PCDHGA11: variants seen among roughly 807,000 people sequenced by gnomAD.
PCDHGA11 encodes the protein protocadherin gamma subfamily A, 11.
Under a neutral mutation model 60.4 loss-of-function variants are expected in PCDHGA11, and 39 were observed. That is an observed-to-expected ratio of 0.65 (90% confidence interval 0.50 to 0.84). The LOEUF is 0.84. Ranked by LOEUF, PCDHGA11 falls within the 40% of genes least tolerant of loss-of-function variation. The pLI, the probability that PCDHGA11 is intolerant of heterozygous loss-of-function variation, is 0.00. For synonymous variants in PCDHGA11, 533 were observed against 510.3 expected (o/e 1.04, Z -0.60); for missense variants, 1,165 against 1,197.7 (o/e 0.97, Z 0.40).
rs2099627530 is a variant in PCDHGA11, at chr5:141,486,292, T to C, written c.2434-8515T>C. On this transcript the variant is annotated intron_variant, in intron 1 of 3. Transcript: ENST00000398587. This position sits in a 1 kb window ranked among gnomAD's most constrained non-coding sequence, Gnocchi z 5.0. ...CTGGCACTGTGGTGGCACTTATCAGTGTGCAGGATCCAGACTCAGGGTCAA... is the reference window on the plus strand; with the variant it reads ...CTGGCACTGTGGTGGCACTTATCAGCGTGCAGGATCCAGACTCAGGGTCAA... 5 of 1,613,970 alleles carry C rather than the reference T, an allele frequency of 3.1e-6. No individual in the cohort carries two copies. The highest frequency in any genetic ancestry group is 4.2e-6 in the Non-Finnish European group (5 of 1,179,982).
At position 141,432,394 on chromosome 5, in the gene PCDHGA11, C is replaced by G; in HGVS notation, c.2433+8734C>G. 1 of 1,614,260 alleles carries G rather than the reference C, an allele frequency of 6.2e-7. No individual in the cohort carries two copies. The highest frequency in any genetic ancestry group is 8.5e-7 in the Non-Finnish European group (1 of 1,180,050). On this transcript the variant is annotated intron_variant, in intron 1 of 3. Transcript: ENST00000398587. This position sits in a 1 kb window ranked among gnomAD's most constrained non-coding sequence, Gnocchi z 6.0. The stretch of plus-strand genomic sequence containing the variant: ...ACGGGCACCCGCCCCTCAGCAGCAA[C>G]GTGTCGTTGAGCCTGTTCGTGCTGG...
chr5:141,426,797 C>A (rs1487716495), intron 1 of PCDHGA11: 1 of 456,706 alleles, frequency 2.2e-6, no homozygotes, highest in Non-Finnish European at 4.4e-6. Context: ...GTTACCAGCT[C>A]AGTTCTAATG....
Position 141,491,756 on chromosome 5 carries a change from C to T in PCDHGA11, c.2434-3051C>T. The T allele has an allele frequency of 1.3e-6, 2 of 1,581,720 alleles. No individual in the cohort carries two copies. Among genetic ancestry groups the T allele is most frequent in the Non-Finnish European group, 8.6e-7 (1 of 1,165,100 alleles). ...CCTGGGGGCGGCACTGGAGAAGCCG[C>T]CCGTCCTCATAAGGGATTGAACTTG... On this transcript the variant is annotated intron_variant, in intron 1 of 3. Coordinates refer to ENST00000398587, the MANE Select transcript of PCDHGA11 (RefSeq NM_018914.3). This position sits in a 1 kb window ranked among gnomAD's most constrained non-coding sequence, Gnocchi z 6.9.
chr5:141,465,688 G>C (rs1386213425), intron 1 of PCDHGA11, among the ~76,000 whole-genome samples: 1 of 152,086 alleles, frequency 6.6e-6, no homozygotes, highest in African/African-American at 2.4e-5. Context: ...TGACCAGTCT[G>C]CTTTTGCATT....
intron 1 of PCDHGA11, among the ~76,000 whole-genome samples, chr5:141,472,718 G>A (rs980710833): frequency 1.3e-5 from 2 of 152,002 alleles, no homozygotes; most frequent in Non-Finnish European, 2.9e-5. Context: ...AGGCGCTGTG[G>A]CTCACACCTG....
At chr5:141,455,920 C>A (rs941360102) in intron 1 of PCDHGA11, among the ~76,000 whole-genome samples, 1 of 147,944 alleles carries the variant, frequency 6.8e-6, no homozygotes, top group Non-Finnish European at 1.5e-5. Flanking sequence ...TATTTTGAGA[C>A]GGAGTCTCGC....
chr5:141,487,798 G>A lies in PCDHGA11; in HGVS notation c.2434-7009G>A, dbSNP rs1197016007. 6.7e-7 allele frequency: 1 copy of A among 1,498,792 alleles called. No homozygotes were observed. Among genetic ancestry groups the A allele is most frequent in the South Asian group, 1.3e-5 (1 of 78,368 alleles). 92.8% of individuals were successfully genotyped at this position (1,498,792 alleles called of 1,614,324 possible). On this transcript the variant is annotated intron_variant, in intron 1 of 3. Coordinates refer to ENST00000398587, the MANE Select transcript of PCDHGA11 (RefSeq NM_018914.3). The surrounding 1 kb of genome is among the most constrained non-coding windows in gnomAD (Gnocchi z 5.0). ...ACTGTTTCGTGAATTAACCAGAGTT[G>A]TCACAGTTTAGCATTGGGGGCGGGT...
chr5:141,474,900 T>C (rs577411783), intron 1 of PCDHGA11, among the ~76,000 whole-genome samples: 2 of 152,368 alleles, frequency 1.3e-5, no homozygotes, highest in South Asian at 2.1e-4. Flanking sequence ...TCATTTCTTG[T>C]TCAAGGATAT....
At chr5:141,453,495 C>T (rs1490576605) in intron 1 of PCDHGA11, among the ~76,000 whole-genome samples, 1 of 151,968 alleles carries the variant, frequency 6.6e-6, no homozygotes, top group Admixed American at 6.6e-5. Flanking sequence ...AAAAGGTGTA[C>T]TCAGAAAATT....
intron 1 of PCDHGA11, among the ~76,000 whole-genome samples, chr5:141,462,763 G>A (rs935087747): frequency 2.6e-5 from 4 of 152,036 alleles, no homozygotes; most frequent in Non-Finnish European, 4.4e-5. Context: ...TTTTCTTCCT[G>A]GCTTGGGGTC....
rs760509503 is a variant in PCDHGA11 at position 141,432,756 on chromosome 5, A to T, written c.2433+9096A>T. The T allele has an allele frequency of 5.6e-6, 9 of 1,613,958 alleles. No homozygotes were observed. Among genetic ancestry groups the T allele is most frequent in the Non-Finnish European group, 7.6e-6 (9 of 1,179,994 alleles). On this transcript the variant is annotated intron_variant, in intron 1 of 3. Transcript: ENST00000398587. This position sits in a 1 kb window ranked among gnomAD's most constrained non-coding sequence, Gnocchi z 6.0. ...GTCACGCTCACCGTGGCCGTGGCCG[A>T]CAGCATCCCCCAAGTCCTGGCGGAC...
Position 141,491,273 on chromosome 5 carries a change from G to A in PCDHGA11, c.2434-3534G>A. ...GACCCTGAGGAAATGCCCAAATCCA[G>A]TGACTTCCTCATACACCCTCCTGAG... On this transcript the variant is annotated intron_variant, in intron 1 of 3. Coordinates refer to ENST00000398587, the MANE Select transcript of PCDHGA11 (RefSeq NM_018914.3). This position sits in a 1 kb window ranked among gnomAD's most constrained non-coding sequence, Gnocchi z 6.9. The A allele has an allele frequency of 6.2e-7, 1 of 1,614,182 alleles. No individual in the cohort carries two copies. Among genetic ancestry groups the A allele is most frequent in the South Asian group, 1.1e-5 (1 of 91,082 alleles).
intron 1 of PCDHGA11, among the ~76,000 whole-genome samples, chr5:141,482,875 C>T (rs2099573976): frequency 6.6e-6 from 1 of 151,958 alleles, no homozygotes; most frequent in African/African-American, 2.4e-5. Context: ...AGTTTGAAAC[C>T]AGCCTGGCCA....
intron 1 of PCDHGA11, among the ~76,000 whole-genome samples, chr5:141,456,944 C>G (rs1172050038): frequency 6.6e-6 from 1 of 152,138 alleles, no homozygotes; most frequent in Non-Finnish European, 1.5e-5. Context: ...GCCTGGGCAA[C>G]AGAGCAAAAC....
At position 141,421,784 on chromosome 5, in the gene PCDHGA11, G is replaced by C; in HGVS notation, c.557G>C (p.Arg186Thr). 1 of 1,613,874 alleles carries C rather than the reference G, an allele frequency of 6.2e-7. No homozygotes were observed. The highest frequency in any genetic ancestry group is 8.5e-7 in the Non-Finnish European group (1 of 1,179,870). ...NNYFSLQLRG[R>T]TDGAKNPELV... is the part of the protein sequence containing the mutation. ...TACTTTTCCTTGCAACTGCGGGGCAGAACGGATGGGGCCAAGAATCCAGAG... is the reference window on the plus strand; with the variant it reads ...TACTTTTCCTTGCAACTGCGGGGCACAACGGATGGGGCCAAGAATCCAGAG... The change falls in exon 1 of 4, where the codon AGA (arginine) becomes ACA (threonine). Residue 186 changes from arginine (R) to threonine (T), a missense_variant. Transcript: ENST00000398587.
Position 141,431,991 on chromosome 5 carries a change from A to G in PCDHGA11, c.2433+8331A>G. 1.2e-6 allele frequency: 2 copies of G among 1,614,218 alleles called. No individual in the cohort carries two copies. The highest frequency in any genetic ancestry group is 1.7e-6 in the Non-Finnish European group (2 of 1,180,042). On this transcript the variant is annotated intron_variant, in intron 1 of 3. Transcript: ENST00000398587. The surrounding 1 kb of genome is among the most constrained non-coding windows in gnomAD (Gnocchi z 4.8). The stretch of plus-strand genomic sequence containing the variant: ...AGTTTAGTCACAGACATAGTCTTGG[A>G]TAGGGAACAGGTTCCTAGCTACAAC...
rs141873183 is a variant in PCDHGA11 at position 141,511,011 on chromosome 5, C to T, written c.2646C>T (p.Tyr882=). The T allele has an allele frequency of 1.5e-5, 24 of 1,614,082 alleles. No individual in the cohort carries two copies. Among genetic ancestry groups the T allele is most frequent in the Middle Eastern group, 1.6e-4 (1 of 6,084 alleles). Residue 882 remains tyrosine (Y), a synonymous_variant, in exon 4 of 4, where the codon TAC becomes TAT. Transcript: ENST00000398587. ...GAGTMGLSAR[Y]GPQFTLQHVP... The stretch of plus-strand genomic sequence containing the variant: ...GCACCATGGGATTGAGCGCCCGCTA[C>T]GGACCCCAGTTCACCCTGCAGCACG...
chr5:141,496,338 G>A (rs1011495959), intron 2 of PCDHGA11, among the ~76,000 whole-genome samples: 5 of 152,230 alleles, frequency 3.3e-5, no homozygotes, highest in African/African-American at 9.6e-5. Flanking sequence ...TCAGGAGCCT[G>A]GAGGAGTCTC....
chr5:141,503,046 G>T (rs1187153008), intron 2 of PCDHGA11, among the ~76,000 whole-genome samples: 1 of 151,658 alleles, frequency 6.6e-6, no homozygotes, highest in Non-Finnish European at 1.5e-5. Flanking sequence ...GTTGAGACAG[G>T]GTTTCACCAT....
Sources: gnomAD v4.1 joint callset for allele counts (sites outside exome capture counted in the v4.1 genomes callset) on GRCh38, gnomAD v4.1.1 for gene constraint, Gnocchi (gnomAD v3.1) non-coding constraint, MANE v1.5 for transcripts, NCBI Gene and HGNC (gene_info 2026-07-23, HGNC 2026-07-21) for gene names.